GRID1: variants seen among roughly 807,000 people sequenced by gnomAD.
GRID1 encodes glutamate receptor ionotropic, delta-1.
Under a neutral mutation model 98.0 loss-of-function variants are expected in GRID1, and 28 were observed. The ratio of observed to expected loss-of-function variants is 0.29; its 90% CI spans 0.21 to 0.39. The LOEUF (loss-of-function observed/expected upper bound fraction) is 0.39, where lower values mean the gene tolerates loss of function less well. GRID1 is among the 10% of genes least tolerant of loss of function. The pLI, the probability that GRID1 is intolerant of heterozygous loss-of-function variation, is 1.00. For synonymous variants in GRID1, 553 were observed against 538.5 expected, an observed-to-expected ratio of 1.03 and a Z score of -0.37; for missense variants, 1,111 against 1,340.5, an observed-to-expected ratio of 0.83 and a Z score of 2.67.
chr10:86,136,088 C>T (rs1844920401), intron 4 of GRID1, among the ~76,000 whole-genome samples: 1 of 152,212 alleles, frequency 6.6e-6, no homozygotes, highest in Admixed American at 6.5e-5. Context: ...TCCTTGTGAA[C>T]ATCGTTTGTC....
chr10:86,231,650 C>T (rs542492484), intron 2 of GRID1, among the ~76,000 whole-genome samples: 2 of 152,286 alleles, frequency 1.3e-5, no homozygotes, highest in Non-Finnish European at 2.9e-5. Flanking sequence ...GGAAGAATAA[C>T]CTGTCCAAGT....
At chr10:85,957,967 A>AG (rs1434515441) in intron 4 of GRID1, among the ~76,000 whole-genome samples, 1 of 152,214 alleles carries the variant, frequency 6.6e-6, no homozygotes, top group African/African-American at 2.4e-5. Flanking sequence ...TTTTAACTAA[A>AG]GCAAGAATGG....
chr10:86,091,357 G>A (rs986123609), intron 4 of GRID1, among the ~76,000 whole-genome samples: 2 of 152,038 alleles, frequency 1.3e-5, no homozygotes, highest in Non-Finnish European at 2.9e-5. Flanking sequence ...GCCTGTGACT[G>A]CCAGCTTTCT....
chr10:85,924,300 A>T (rs1293172172), intron 4 of GRID1, among the ~76,000 whole-genome samples: 1 of 152,190 alleles, frequency 6.6e-6, no homozygotes, highest in East Asian at 1.9e-4. Flanking sequence ...ACTTCATTAT[A>T]CACTTGATTT....
At chr10:85,615,571 A>G (rs541949178) in intron 14 of GRID1, among the ~76,000 whole-genome samples, 14 of 152,364 alleles carry the variant, frequency 9.2e-5, no homozygotes, top group African/African-American at 3.4e-4. Flanking sequence ...CATGTAAGAC[A>G]CAGAATGTGG....
intron 4 of GRID1, among the ~76,000 whole-genome samples, chr10:86,127,129 C>T (rs1249790720): frequency 6.6e-6 from 1 of 152,236 alleles, no homozygotes; most frequent in Non-Finnish European, 1.5e-5. Flanking sequence ...CCTTCCCACC[C>T]TGCTTCGCTA....
At chr10:85,769,701 C>A (rs1454212542) in intron 8 of GRID1, among the ~76,000 whole-genome samples, 3 of 152,196 alleles carry the variant, frequency 2.0e-5, no homozygotes, top group Non-Finnish European at 4.4e-5. Flanking sequence ...GGGTCCTACA[C>A]CCACGGAGTC....
chr10:85,744,403 C>T (rs545604125), intron 8 of GRID1, among the ~76,000 whole-genome samples: 47 of 151,734 alleles, frequency 3.1e-4, no homozygotes, highest in African/African-American at 1.1e-3. Flanking sequence ...ACAGAGCCCT[C>T]AGAAATAACG....
intron 2 of GRID1, among the ~76,000 whole-genome samples, chr10:86,320,530 G>A (rs535603315): frequency 6.6e-6 from 1 of 152,314 alleles, no homozygotes; most frequent in Admixed American, 6.5e-5. Context: ...GGGGCTGGAG[G>A]AAGAAGGAAT....
At chr10:85,681,745 G>A (rs763449995) in intron 12 of GRID1, among the ~76,000 whole-genome samples, 15 of 152,052 alleles carry the variant, frequency 9.9e-5, no homozygotes, top group Non-Finnish European at 2.1e-4. Flanking sequence ...TGGCATTTCC[G>A]CATCTCTCTC....
Position 85,865,944 on chromosome 10 carries a change from C to CATATATAT in GRID1, c.951+3065_951+3066insATATATAT, listed in dbSNP as rs1244958360. Among the ~76,000 whole-genome samples the CATATATAT allele has an allele frequency of 2.3e-3, 152 of 65,766 alleles. 1 individual carries two copies. Among genetic ancestry groups the CATATATAT allele is most frequent in the African/African-American group, 9.5e-3 (143 of 15,084 alleles). 43.1% of individuals were successfully genotyped at this position (65,766 alleles called of 152,430 possible). ...ATATATATATATATATATATATATA[C>CATATATAT]ACATATATATGGAGAGAGAGAGAGA... On this transcript the variant is annotated intron_variant, in intron 6 of 15. Transcript: ENST00000327946.
intron 2 of GRID1, among the ~76,000 whole-genome samples, chr10:86,345,238 G>T (rs535851850): frequency 5.1e-4 from 77 of 152,352 alleles, no homozygotes; most frequent in African/African-American, 1.8e-3. Context: ...AGGTACCCTT[G>T]TCATAAGCCA....
chr10:86,341,534 C>T (rs1183207566), intron 2 of GRID1, among the ~76,000 whole-genome samples: 1 of 152,220 alleles, frequency 6.6e-6, no homozygotes, highest in African/African-American at 2.4e-5. Flanking sequence ...CCACGGCTTT[C>T]CCTCAGCCTG....
At chr10:85,752,820 A>G (rs972764913) in intron 8 of GRID1, among the ~76,000 whole-genome samples, 1 of 152,218 alleles carries the variant, frequency 6.6e-6, no homozygotes, top group African/African-American at 2.4e-5. Flanking sequence ...GTCCATTACT[A>G]AAAGGTAACT....
intron 3 of GRID1, among the ~76,000 whole-genome samples, chr10:86,150,950 C>G (rs1251831904): frequency 6.6e-6 from 1 of 152,176 alleles, no homozygotes; most frequent in Non-Finnish European, 1.5e-5. Context: ...TTTAAGCCCC[C>G]CAGCATGAGG....
chr10:86,335,743 T>C (rs1848212727), intron 2 of GRID1, among the ~76,000 whole-genome samples: 1 of 152,232 alleles, frequency 6.6e-6, no homozygotes, highest in Non-Finnish European at 1.5e-5. Context: ...GAGAGCTATA[T>C]GAAGAGATGC....
intron 4 of GRID1, among the ~76,000 whole-genome samples, chr10:86,081,406 G>A (rs1424151384): frequency 6.6e-6 from 1 of 152,128 alleles, no homozygotes; most frequent in Non-Finnish European, 1.5e-5. Context: ...AGTATCCAAG[G>A]GGTTGCCTTT....
intron 2 of GRID1, among the ~76,000 whole-genome samples, chr10:86,233,381 G>A (rs187185396): frequency 1.1e-4 from 17 of 152,336 alleles, no homozygotes; most frequent in African/African-American, 3.1e-4. Flanking sequence ...GCTGTGGTGC[G>A]GAGGCTGTTC....
chr10:85,944,184 G>A (rs12220485), intron 4 of GRID1, among the ~76,000 whole-genome samples: 4,748 of 152,270 alleles, frequency 0.031, 228 homozygotes, highest in East Asian at 0.18. Context: ...AGAACTTCCC[G>A]GCTGAGCCCA....
Sources: allele counts gnomAD v4.1 joint callset (sites outside exome capture counted in the v4.1 genomes callset), GRCh38; gene constraint gnomAD v4.1.1; transcripts MANE v1.5; gene names NCBI Gene and HGNC (gene_info 2026-07-23, HGNC 2026-07-21).